Variants in HMBOX1 observed in about 807,000 individuals in gnomAD.
HMBOX1 encodes homeobox containing 1.
A neutral mutation model predicts 54.5 loss-of-function variants in HMBOX1; 14 were observed. The ratio of observed to expected loss-of-function variants is 0.26; its 90% CI spans 0.17 to 0.40. HMBOX1 has a LOEUF of 0.40. HMBOX1 is among the 10% of genes least tolerant of loss of function. HMBOX1 has a pLI of 1.00. For missense variants in HMBOX1, 332 were observed against 514.4 expected (o/e 0.65, Z 3.43); for synonymous variants, 160 against 181.0 (o/e 0.88, Z 0.93).
intron 4 of HMBOX1, among the ~76,000 whole-genome samples, chr8:28,997,181 C>A (rs1291857747): frequency 1.3e-5 from 2 of 152,144 alleles, no homozygotes; most frequent in Non-Finnish European, 1.5e-5. Flanking sequence ...TTGTCTTGTT[C>A]CTGATCTTAG....
intron 4 of HMBOX1, among the ~76,000 whole-genome samples, chr8:29,004,280 G>A (rs574870919): frequency 4.6e-5 from 7 of 152,146 alleles, no homozygotes; most frequent in Non-Finnish European, 1.0e-4. Flanking sequence ...TAATTGAGAT[G>A]ACCAAAGGAA....
In HMBOX1 at chr8:28,953,088, A is replaced by G. The variant is rs377676008; in HGVS notation, c.-57-10723A>G. On this transcript the variant is annotated intron_variant, in intron 1 of 9. Transcript: ENST00000287701. ...TCTGAGATTAAACGAGCTGTTAACT[A>G]TAAAGTACTTATTTCCCAGTGAGTG... 8.5e-5 allele frequency among the ~76,000 whole-genome samples: 13 copies of G among 152,348 alleles called. 1 individual carries two copies. Among genetic ancestry groups the G allele is most frequent in the African/African-American group, 3.1e-4 (13 of 41,588 alleles).
chr8:29,037,484 A>G (rs1804094834), intron 6 of HMBOX1, among the ~76,000 whole-genome samples: 1 of 152,200 alleles, frequency 6.6e-6, no homozygotes, highest in Non-Finnish European at 1.5e-5. Context: ...GGAAAATATA[A>G]AGAAAATTAA....
intron 1 of HMBOX1, among the ~76,000 whole-genome samples, chr8:28,912,410 A>C (rs1459216595): frequency 6.6e-6 from 1 of 152,138 alleles, no homozygotes; most frequent in South Asian, 2.1e-4. Context: ...TCCCATCCAG[A>C]TTCTGCCATG....
chr8:28,954,920 C>G (rs1339312087), intron 1 of HMBOX1, among the ~76,000 whole-genome samples: 2 of 152,048 alleles, frequency 1.3e-5, no homozygotes, highest in Non-Finnish European at 2.9e-5. Flanking sequence ...AAGAGAAAAA[C>G]TAGGGTAGAA....
chr8:28,930,780 ACTT>A, intron 1 of HMBOX1, among the ~76,000 whole-genome samples: 1 of 152,090 alleles, frequency 6.6e-6, no homozygotes, highest in East Asian at 1.9e-4. Flanking sequence ...GTGATCATTC[ACTT>A]CTTTGAATCA....
intron 1 of HMBOX1, among the ~76,000 whole-genome samples, chr8:28,932,794 G>T (rs976195367): frequency 2.0e-5 from 3 of 152,180 alleles, no homozygotes; most frequent in African/African-American, 7.2e-5. Flanking sequence ...CAGAGGTGTG[G>T]CTAGGCTAGA....
intron 1 of HMBOX1, among the ~76,000 whole-genome samples, chr8:28,937,711 A>G (rs947566423): frequency 2.0e-5 from 3 of 152,246 alleles, no homozygotes; most frequent in Admixed American, 1.3e-4. Flanking sequence ...GAAGAGAAGA[A>G]TAAACATGGC....
chr8:28,918,423 T>A (rs1380137964), intron 1 of HMBOX1, among the ~76,000 whole-genome samples: 1 of 152,100 alleles, frequency 6.6e-6, no homozygotes, highest in Non-Finnish European at 1.5e-5. Flanking sequence ...CAGGATGGTC[T>A]CAATCTCCTG....
intron 1 of HMBOX1, among the ~76,000 whole-genome samples, chr8:28,953,242 G>A (rs1309690271): frequency 6.6e-6 from 1 of 152,144 alleles, no homozygotes; most frequent in Non-Finnish European, 1.5e-5. Context: ...TATGGTATGT[G>A]TTTTCCTTGT....
intron 2 of HMBOX1, among the ~76,000 whole-genome samples, chr8:28,966,449 C>T (rs564098752): frequency 5.9e-5 from 9 of 152,094 alleles, no homozygotes; most frequent in Non-Finnish European, 1.2e-4. Flanking sequence ...GTTCCTTATC[C>T]TCTGAACAAT....
chr8:28,937,533 T>G (rs963248163), intron 1 of HMBOX1, among the ~76,000 whole-genome samples: 1 of 152,222 alleles, frequency 6.6e-6, no homozygotes, highest in African/African-American at 2.4e-5. Context: ...TTTTCTTCAA[T>G]ACAATCTTGG....
chr8:28,892,818 G>T (rs1811294631), intron 1 of HMBOX1, among the ~76,000 whole-genome samples: 1 of 152,104 alleles, frequency 6.6e-6, no homozygotes, highest in Non-Finnish European at 1.5e-5. Context: ...GTTTGTGATA[G>T]ACCAGGATTT....
rs544206973 is a variant in HMBOX1, at chr8:28,994,938, T to A, written c.587-14134T>A. On this transcript the variant is annotated intron_variant, in intron 4 of 9. Transcript: ENST00000287701. ...ATTTTTGCCCATTAAATCAGCAAAC[T>A]TTAGAAGATTGAGGGATACTACTGG... is the stretch of plus-strand genomic sequence containing the variant. Among the ~76,000 whole-genome samples the A allele has an allele frequency of 2.0e-5, 3 of 152,230 alleles. No homozygotes were observed. The South Asian group carries it at 6.2e-4, about 32-fold the overall frequency.
chr8:28,956,797 A>C (rs1824533047), intron 1 of HMBOX1, among the ~76,000 whole-genome samples: 2 of 152,186 alleles, frequency 1.3e-5, no homozygotes, highest in Admixed American at 1.3e-4. Context: ...AGTAGTTCTT[A>C]AACTGTCTGC....
At chr8:29,001,332 C>T (rs565496337) in intron 4 of HMBOX1, among the ~76,000 whole-genome samples, 1 of 152,146 alleles carries the variant, frequency 6.6e-6, no homozygotes, top group Non-Finnish European at 1.5e-5. Flanking sequence ...GGTGGCTCAC[C>T]TAAGGTCAGG....
intron 1 of HMBOX1, among the ~76,000 whole-genome samples, chr8:28,914,028 A>C (rs375541438): frequency 6.6e-6 from 1 of 151,902 alleles, no homozygotes; most frequent in African/African-American, 2.4e-5. Context: ...GTGCCACCAC[A>C]TCCGGCTAAT....
intron 3 of HMBOX1, among the ~76,000 whole-genome samples, chr8:28,976,733 G>A (rs1828464012): frequency 7.1e-6 from 1 of 139,990 alleles, no homozygotes; most frequent in Non-Finnish European, 1.5e-5. Flanking sequence ...TTGAGATGGA[G>A]TCTCACTTTG....
chr8:28,973,803 G>GTTTTTTTTTTTTTTTTTTTTTTTTTTT lies in HMBOX1; in HGVS notation c.500+3289_500+3315dup, dbSNP rs71222583. Among the ~76,000 whole-genome samples, 10 of 72,652 alleles carry GTTTTTTTTTTTTTTTTTTTTTTTTTTT rather than the reference G, an allele frequency of 1.4e-4. 2 individuals are homozygous for GTTTTTTTTTTTTTTTTTTTTTTTTTTT. Among genetic ancestry groups the GTTTTTTTTTTTTTTTTTTTTTTTTTTT allele is most frequent in the African/African-American group, 1.0e-4 (2 of 19,330 alleles). 47.7% of individuals were successfully genotyped at this position (72,652 alleles called of 152,430 possible). On this transcript the variant is annotated intron_variant, in intron 3 of 9. Coordinates refer to ENST00000287701, the MANE Select transcript of HMBOX1 (RefSeq NM_001135726.3). ...TAATAATTTCGAGATACATAATGGA[G>GTTTTTTTTTTTTTTTTTTTTTTTTTTT]TTTTTTTTTTTTTTTTTTTTTTTTT... is the stretch of plus-strand genomic sequence containing the variant.
Sources: allele counts gnomAD v4.1 joint callset (sites outside exome capture counted in the v4.1 genomes callset), GRCh38; gene constraint gnomAD v4.1.1; transcripts MANE v1.5; gene names NCBI Gene and HGNC (gene_info 2026-07-23, HGNC 2026-07-21).